Variants in SPSB4 observed in about 807,000 individuals in gnomAD.
SPSB4 encodes splA/ryanodine receptor domain and SOCS box containing 4.
Under a neutral mutation model 20.9 loss-of-function variants are expected in SPSB4, and 21 were observed. That is an observed-to-expected ratio of 1.01 (90% confidence interval 0.71 to 1.45). The LOEUF is 1.45. Ranked by LOEUF, SPSB4 falls within the 40% of genes most tolerant of loss-of-function variation. SPSB4 has a pLI of 0.00. For missense variants in SPSB4, 399 were observed against 399.2 expected (o/e 1.00, Z 0.00); for synonymous variants, 207 against 183.8 (o/e 1.13, Z -1.02).
At chr3:141,106,143 T>C (rs929039882) in intron 2 of SPSB4, among the ~76,000 whole-genome samples, 1 of 152,216 alleles carries the variant, frequency 6.6e-6, no homozygotes, top group Non-Finnish European at 1.5e-5. Context: ...TGGCAGATCC[T>C]TTTTTTGCAG....
Position 141,066,514 on chromosome 3 carries a change from C to T in SPSB4, c.410C>T (p.Ala137Val), listed in dbSNP as rs1937881977. Residue 137 changes from alanine (A) to valine (V), a missense_variant, in exon 2 of 3, where the codon GCC becomes GTC. Ala to Val is a moderately conservative substitution (Grantham distance 64). Coordinates refer to ENST00000310546, the MANE Select transcript of SPSB4 (RefSeq NM_080862.3). ...TACACGGCGCTGGTAGGCAGTGACG[C>T]CGAGTCGTGGGGCTGGGACCTGGGC... ...VGYTALVGSDAESWGWDLGRS... is the reference protein window; with the variant it reads ...VGYTALVGSDVESWGWDLGRS... The T allele has an allele frequency of 2.7e-6, 4 of 1,505,102 alleles. No homozygotes were observed. Among genetic ancestry groups the T allele is most frequent in the African/African-American group, 2.7e-5 (2 of 72,836 alleles). 93.2% of individuals were successfully genotyped at this position (1,505,102 alleles called of 1,614,324 possible). A position where few individuals can be genotyped will look rare whatever the true frequency, so the allele number is the denominator to read the frequency against.
Position 141,055,359 on chromosome 3 carries a change from T to A in SPSB4, c.-154+3367T>A, listed in dbSNP as rs964151764. On this transcript the variant is annotated intron_variant, in intron 1 of 2. Transcript: ENST00000310546. Reference sequence around the variant, plus strand: ...AGAGAAGATGGGAAGAGTCCCAGGATGTGCTGACGAGGAGAGTCTGGCATG... The same window carrying A: ...AGAGAAGATGGGAAGAGTCCCAGGAAGTGCTGACGAGGAGAGTCTGGCATG... Among the ~76,000 whole-genome samples, 21 of 152,006 alleles carry A rather than the reference T, an allele frequency of 1.4e-4. 1 individual carries two copies. Among genetic ancestry groups the A allele is most frequent in the Non-Finnish European group, 1.5e-5 (1 of 68,020 alleles).
At position 141,075,892 on chromosome 3, in the gene SPSB4, C is replaced by CAA. The variant is rs532646509; in HGVS notation, c.694+9115_694+9116dup. 3.3e-3 allele frequency among the ~76,000 whole-genome samples: 224 copies of CAA among 68,820 alleles called. 2 individuals are homozygous for CAA. The highest frequency in any genetic ancestry group is 6.6e-3 in the Non-Finnish European group (178 of 26,880). 45.1% of individuals were successfully genotyped at this position (68,820 alleles called of 152,430 possible). A position where few individuals can be genotyped will look rare whatever the true frequency, so the allele number is the denominator to read the frequency against. The stretch of plus-strand genomic sequence containing the variant: ...CGAAACCCTGTCTCTACTAAAAATA[C>CAA]AAAAAAAAAAAAAAAAAAAAAAGCC... On this transcript the variant is annotated intron_variant, in intron 2 of 2. Transcript: ENST00000310546.
At chr3:141,134,648 T>G (rs2107805728) in intron 2 of SPSB4, among the ~76,000 whole-genome samples, 1 of 152,342 alleles carries the variant, frequency 6.6e-6, no homozygotes, top group African/African-American at 2.4e-5. Context: ...AAACCATCCC[T>G]GCATGCCTGG....
chr3:141,140,088 C>G (rs983421827), intron 2 of SPSB4, among the ~76,000 whole-genome samples: 1 of 152,166 alleles, frequency 6.6e-6, no homozygotes, highest in Admixed American at 6.5e-5. Context: ...TTCATTTCAT[C>G]TTCCATCGCT....
chr3:141,094,893 G>A (rs1938519527), intron 2 of SPSB4, among the ~76,000 whole-genome samples: 1 of 151,350 alleles, frequency 6.6e-6, no homozygotes, highest in Non-Finnish European at 1.5e-5. Context: ...GCTGGCTGAG[G>A]ACAAGCCTCT....
chr3:141,134,030 C>CTTTTTTTTTT (rs1207127072), intron 2 of SPSB4, among the ~76,000 whole-genome samples: 3 of 37,766 alleles, frequency 7.9e-5, no homozygotes, highest in East Asian at 6.0e-4. Flanking sequence ...TTTTTTTTTT[C>CTTTTTTTTTT]TTTTCTTTTT....
Position 141,116,975 on chromosome 3 carries a change from T to G in SPSB4, c.695-30167T>G, listed in dbSNP as rs1353680664. 2.0e-5 allele frequency: 3 copies of G among 152,224 alleles called. No homozygotes were observed. In the East Asian group the frequency reaches 5.8e-4, roughly 29 times the overall value. The allele number at this position is 152,224 out of a possible 1,614,324, so 9.4% of individuals were successfully genotyped here. ...CAGAGCTGGCTCTGAGCCCCAGATC[T>G]GAGCCCCAGCTCACAGATGCATTAG... On this transcript the variant is annotated intron_variant, in intron 2 of 2. Coordinates refer to ENST00000310546, the MANE Select transcript of SPSB4 (RefSeq NM_080862.3).
Position 141,099,744 on chromosome 3 carries a change from G to A in SPSB4, c.694+32946G>A, listed in dbSNP as rs564103807. Among the ~76,000 whole-genome samples the A allele has an allele frequency of 3.3e-5, 5 of 152,294 alleles. No individual in the cohort carries two copies. In the East Asian group the frequency reaches 7.7e-4, roughly 24 times the overall value. On this transcript the variant is annotated intron_variant, in intron 2 of 2. Coordinates refer to ENST00000310546, the MANE Select transcript of SPSB4 (RefSeq NM_080862.3). Reference sequence around the variant, plus strand: ...GCTTGTACGTTAGTCTTGTTGGGAAGGTGTTTTATTGTGAGCTTAGATTTA... The same window carrying A: ...GCTTGTACGTTAGTCTTGTTGGGAAAGTGTTTTATTGTGAGCTTAGATTTA...
chr3:141,068,756 T>C (rs921286102), intron 2 of SPSB4, among the ~76,000 whole-genome samples: 15 of 152,228 alleles, frequency 9.9e-5, no homozygotes, highest in African/African-American at 3.6e-4. Flanking sequence ...ACACTCCTGT[T>C]GTAGGCTTCC....
At chr3:141,060,359 G>A (rs1937738972) in intron 1 of SPSB4, among the ~76,000 whole-genome samples, 1 of 152,200 alleles carries the variant, frequency 6.6e-6, no homozygotes, top group Admixed American at 6.5e-5. Context: ...AATTTTCTGT[G>A]TGGGCCACAC....
chr3:141,066,949 T>A (rs1418160187), intron 2 of SPSB4, 151 bp downstream of exon 2: 7 of 766,054 alleles, frequency 9.1e-6, no homozygotes, highest in Admixed American at 3.5e-5. Flanking sequence ...CTCTGCTGGC[T>A]TGGTGATTTG....
intron 2 of SPSB4, among the ~76,000 whole-genome samples, chr3:141,124,642 C>T (rs1187019448): frequency 1.3e-5 from 2 of 152,080 alleles, no homozygotes; most frequent in Non-Finnish European, 2.9e-5. Flanking sequence ...CATGAAAGCA[C>T]TTGGGGGTAG....
At chr3:141,061,686 C>T (rs989805195) in intron 1 of SPSB4, among the ~76,000 whole-genome samples, 4 of 150,452 alleles carry the variant, frequency 2.7e-5, no homozygotes, top group African/African-American at 9.7e-5. Context: ...TCAGTTTTTA[C>T]CTAATATCCT....
intron 2 of SPSB4, among the ~76,000 whole-genome samples, chr3:141,091,392 C>T (rs532154298): frequency 5.9e-5 from 9 of 152,302 alleles, no homozygotes; most frequent in African/African-American, 2.2e-4. Context: ...AGTAAGAGTA[C>T]CAAAAACATG....
chr3:141,055,820 T>C (rs763485312), intron 1 of SPSB4, among the ~76,000 whole-genome samples: 10 of 152,058 alleles, frequency 6.6e-5, no homozygotes, highest in Non-Finnish European at 1.5e-4. Context: ...GGTGTGCCCA[T>C]GGTAGGAGGC....
In SPSB4 at chr3:141,066,303, G is replaced by A. The variant is rs766547340; in HGVS notation, c.199G>A (p.Val67Ile). ...NPEDRSLNVF[V>I]KDDDRLTFHR... ...CGAGGACCGCTCGCTCAACGTCTTC[G>A]TCAAGGACGACGACCGGCTCACCTT... The change falls in exon 2 of 3, where the codon GTC becomes ATC. Residue 67 changes from valine (V) to isoleucine (I), a missense_variant. Transcript: ENST00000310546. The A allele has an allele frequency of 1.8e-5, 28 of 1,574,038 alleles. No individual in the cohort carries two copies. Among genetic ancestry groups the A allele is most frequent in the Admixed American group, 1.3e-4 (7 of 55,158 alleles).
intron 2 of SPSB4, among the ~76,000 whole-genome samples, chr3:141,137,614 T>G (rs970739689): frequency 2.0e-5 from 3 of 152,234 alleles, no homozygotes; most frequent in Non-Finnish European, 4.4e-5. Context: ...TGTCATTTGT[T>G]CTGTTTATAT....
chr3:141,069,131 A>G (rs915851162), intron 2 of SPSB4, among the ~76,000 whole-genome samples: 1 of 152,216 alleles, frequency 6.6e-6, no homozygotes, highest in Non-Finnish European at 1.5e-5. Flanking sequence ...CTTATCTGCT[A>G]TAGCACTAGC....
Sources: allele counts gnomAD v4.1 joint callset (sites outside exome capture counted in the v4.1 genomes callset), GRCh38; gene constraint gnomAD v4.1.1; transcripts MANE v1.5; gene names NCBI Gene and HGNC (gene_info 2026-07-23, HGNC 2026-07-21).